Variants in ZNF521 observed in about 807,000 individuals in gnomAD.
The protein encoded by ZNF521 is LYST-interacting protein 3.
ZNF521 carries 14 observed loss-of-function variants against 105.5 expected under a neutral mutation model. The ratio of observed to expected loss-of-function variants is 0.13; its 90% CI spans 0.09 to 0.21. ZNF521 has a LOEUF of 0.21. Among genes scored for constraint, ZNF521 ranks in the 10% least tolerant of loss-of-function variants. ZNF521 has a pLI of 1.00. For missense variants in ZNF521, 1,233 were observed against 1,629.7 expected (o/e 0.76, Z 4.19); for synonymous variants, 635 against 606.0 (o/e 1.05, Z -0.70).
intron 3 of ZNF521, among the ~76,000 whole-genome samples, chr18:25,308,127 G>A (rs919618764): frequency 4.0e-5 from 6 of 149,892 alleles, no homozygotes; most frequent in South Asian, 2.1e-4. Context: ...ACTTGAACCC[G>A]GCAGGCGGAG....
chr18:25,220,473 G>A (rs1279043088), intron 4 of ZNF521, among the ~76,000 whole-genome samples: 1 of 152,120 alleles, frequency 6.6e-6, no homozygotes, highest in African/African-American at 2.4e-5. Context: ...AGAGAATCCT[G>A]AACCTGGAGT....
At chr18:25,316,275 A>C (rs1337699276) in intron 3 of ZNF521, among the ~76,000 whole-genome samples, 7 of 151,654 alleles carry the variant, frequency 4.6e-5, no homozygotes, top group Non-Finnish European at 8.8e-5. Flanking sequence ...GAGGAAAATC[A>C]GCAAAGATGC....
At chr18:25,332,127 G>A (rs1913609242) in intron 2 of ZNF521, among the ~76,000 whole-genome samples, 1 of 151,132 alleles carries the variant, frequency 6.6e-6, no homozygotes, top group Admixed American at 6.6e-5. Flanking sequence ...GAATCAAACT[G>A]CCATTAAAAA....
intron 7 of ZNF521, chr18:25,082,484 C>T: frequency 2.4e-6 from 1 of 414,622 alleles, no homozygotes; most frequent in South Asian, 1.8e-5. Context: ...CAGAAGAACA[C>T]ATGATAAGAG....
intron 3 of ZNF521, among the ~76,000 whole-genome samples, chr18:25,314,745 C>A (rs1032335614): frequency 6.6e-6 from 1 of 152,232 alleles, no homozygotes; most frequent in Middle Eastern, 3.4e-3. Flanking sequence ...GTTTTTTCTG[C>A]GATTATGCCC....
chr18:25,153,785 A>T (rs902675792), intron 5 of ZNF521, among the ~76,000 whole-genome samples: 2 of 152,090 alleles, frequency 1.3e-5, no homozygotes, highest in Admixed American at 6.6e-5. Context: ...TTTGTCCTAT[A>T]ACCCATTCCT....
rs754088379 is a variant in ZNF521 at position 25,224,599 on chromosome 18, T to C, written c.3319A>G (p.Ile1107Val). Residue 1107 changes from isoleucine (I) to valine (V), a missense_variant, in exon 4 of 8, where the codon ATT becomes GTT. Transcript: ENST00000361524. ...VNLSKSASPG[I>V]NVPPGTNRPG... ...CTATTCGTGCCGGGAGGGACGTTAA[T>C]GCCTGGGCTGGCGCTCTTACTGAGA... is the stretch of plus-strand genomic sequence containing the variant. 3.1e-6 allele frequency: 5 copies of C among 1,614,036 alleles called. No homozygotes were observed. In the South Asian group the frequency reaches 4.4e-5, roughly 14 times the overall value.
intron 5 of ZNF521, among the ~76,000 whole-genome samples, chr18:25,093,952 A>C (rs144341033): frequency 2.1e-4 from 32 of 152,320 alleles, no homozygotes; most frequent in African/African-American, 7.2e-4. Context: ...TCTTCAGAAA[A>C]ATACTTGCTA....
rs1345766105 is a variant in ZNF521, at chr18:25,224,667, T to C, written c.3251A>G (p.Asp1084Gly). The C allele has an allele frequency of 4.3e-6, 7 of 1,614,012 alleles. No individual in the cohort carries two copies. The Admixed American group carries it at 5.0e-5, about 12-fold the overall frequency. Residue 1084 changes from aspartate to glycine, a missense_variant, in exon 4 of 8, where the codon GAT becomes GGT. By Grantham distance (94) the Asp-to-Gly change is moderately conservative (BLOSUM62 -1). Coordinates refer to ENST00000361524, the MANE Select transcript of ZNF521 (RefSeq NM_015461.3). ...CAGACCATATGGCAGGCCATTGATA[T>C]CAAGTTTCACCAGATCTTGCTTGGA... ...FRSKQDLVKL[D>G]INGLPYGLCA...
At chr18:25,066,418 A>C (rs1387962928) in intron 7 of ZNF521, among the ~76,000 whole-genome samples, 1 of 152,098 alleles carries the variant, frequency 6.6e-6, no homozygotes, top group Non-Finnish European at 1.5e-5. Flanking sequence ...AAATGGCCTC[A>C]TTTCATTCTC....
chr18:25,283,127 G>A (rs1910483482), intron 3 of ZNF521, among the ~76,000 whole-genome samples: 1 of 152,172 alleles, frequency 6.6e-6, no homozygotes, highest in Non-Finnish European at 1.5e-5. Flanking sequence ...AATCTCACAG[G>A]AGTGTTGGCA....
intron 3 of ZNF521, among the ~76,000 whole-genome samples, chr18:25,298,062 C>T (rs1395968357): frequency 6.6e-6 from 1 of 152,002 alleles, no homozygotes; most frequent in African/African-American, 2.4e-5. Flanking sequence ...GAAAAGGTGC[C>T]GATGTTGGTT....
intron 5 of ZNF521, among the ~76,000 whole-genome samples, chr18:25,131,664 C>A (rs2034643432): frequency 6.6e-6 from 1 of 152,132 alleles, no homozygotes; most frequent in South Asian, 2.1e-4. Context: ...TAGCCCAGAG[C>A]CTTGTACATA....
At chr18:25,343,107 A>T (rs1258807195) in intron 2 of ZNF521, among the ~76,000 whole-genome samples, 1 of 152,218 alleles carries the variant, frequency 6.6e-6, no homozygotes, top group African/African-American at 2.4e-5. Flanking sequence ...GAATATATGG[A>T]ACTGTCTGTA....
intron 5 of ZNF521, among the ~76,000 whole-genome samples, chr18:25,113,761 G>GACGGACACAC (rs35914509): frequency 0.011 from 1,163 of 101,390 alleles, 42 homozygotes; most frequent in African/African-American, 0.036. Context: ...AGGACGGACG[G>GACGGACACAC]ACACACACAC....
chr18:25,127,003 G>C (rs975655118), intron 5 of ZNF521, among the ~76,000 whole-genome samples: 1 of 151,984 alleles, frequency 6.6e-6, no homozygotes, highest in African/African-American at 2.4e-5. Context: ...TGTATTATTG[G>C]TGGGGAATAC....
At chr18:25,146,915 T>A (rs1327072996) in intron 5 of ZNF521, among the ~76,000 whole-genome samples, 1 of 152,144 alleles carries the variant, frequency 6.6e-6, no homozygotes, top group Admixed American at 6.6e-5. Flanking sequence ...AGGAGTCACA[T>A]CTTACGTGTT....
chr18:25,064,202 T>G (rs2032989204), intron 7 of ZNF521, among the ~76,000 whole-genome samples: 1 of 152,206 alleles, frequency 6.6e-6, no homozygotes, highest in Admixed American at 6.5e-5. Flanking sequence ...GTGCTCACAG[T>G]CTAAAGAAGG....
chr18:25,251,501 C>T (rs528403510), intron 3 of ZNF521, among the ~76,000 whole-genome samples: 1 of 152,300 alleles, frequency 6.6e-6, no homozygotes, highest in African/African-American at 2.4e-5. Context: ...TGTCCCTTTG[C>T]AATACAATAC....
Sources: gnomAD v4.1 joint callset for allele counts (sites outside exome capture counted in the v4.1 genomes callset) on GRCh38, gnomAD v4.1.1 for gene constraint, MANE v1.5 for transcripts, NCBI Gene and HGNC (gene_info 2026-07-23, HGNC 2026-07-21) for gene names.